CSMD1: variants seen among roughly 807,000 people sequenced by gnomAD.
The protein encoded by CSMD1 is CUB and Sushi multiple domains 1.
A neutral mutation model predicts 417.5 loss-of-function variants in CSMD1; 213 were observed. The ratio of observed to expected loss-of-function variants is 0.51; its 90% CI spans 0.46 to 0.57. The LOEUF (loss-of-function observed/expected upper bound fraction) is 0.57, where lower values mean the gene tolerates loss of function less well. Ranked by LOEUF, CSMD1 falls within the 20% of genes least tolerant of loss-of-function variation. The pLI, the probability that CSMD1 is intolerant of heterozygous loss-of-function variation, is 0.00. For missense variants in CSMD1, 6,923 were observed against 4,529.7 expected, an observed-to-expected ratio of 1.53 and a Z score of -15.17; for synonymous variants, 2,862 against 1,736.8, an observed-to-expected ratio of 1.65 and a Z score of -16.11.
At chr8:4,904,504 A>G (rs544256004) in intron 1 of CSMD1, among the ~76,000 whole-genome samples, 4 of 152,182 alleles carry the variant, frequency 2.6e-5, no homozygotes, top group Non-Finnish European at 5.9e-5. Flanking sequence ...CCTGACTCAG[A>G]GCCTACTACC....
chr8:4,787,741 C>A, intron 1 of CSMD1: 1 of 1,587,770 alleles, frequency 6.3e-7, no homozygotes, highest in Admixed American at 1.7e-5. Context: ...GTCTGAGGAA[C>A]AGCTGATTGC....
chr8:3,957,317 C>T (rs1267929778), intron 5 of CSMD1, among the ~76,000 whole-genome samples: 1 of 152,102 alleles, frequency 6.6e-6, no homozygotes, highest in Non-Finnish European at 1.5e-5. Context: ...TTAGTTGTTT[C>T]TTTCATTCAA....
At chr8:3,658,381 T>C (rs550403079) in intron 7 of CSMD1, among the ~76,000 whole-genome samples, 3 of 151,242 alleles carry the variant, frequency 2.0e-5, no homozygotes, top group Non-Finnish European at 4.4e-5. Flanking sequence ...TCTTTTTATT[T>C]GTAAATCATC....
chr8:3,820,379 C>G (rs780932060), intron 5 of CSMD1, among the ~76,000 whole-genome samples: 3 of 152,046 alleles, frequency 2.0e-5, no homozygotes, highest in Non-Finnish European at 4.4e-5. Flanking sequence ...GAACTGAGTA[C>G]CAAAGAAGGA....
At chr8:3,716,397 T>A (rs1362633962) in intron 6 of CSMD1, among the ~76,000 whole-genome samples, 1 of 152,220 alleles carries the variant, frequency 6.6e-6, no homozygotes, top group Non-Finnish European at 1.5e-5. Flanking sequence ...CCCATTTTTA[T>A]GGTTATTTCT....
chr8:3,353,922 C>G (rs1048548631), intron 21 of CSMD1, among the ~76,000 whole-genome samples: 2 of 152,130 alleles, frequency 1.3e-5, no homozygotes, highest in African/African-American at 2.4e-5. Context: ...GTCAATTCTT[C>G]TGTACAAAGG....
chr8:4,578,669 G>C (rs1287962120), intron 2 of CSMD1, among the ~76,000 whole-genome samples: 1 of 150,962 alleles, frequency 6.6e-6, no homozygotes, highest in Non-Finnish European at 1.5e-5. Context: ...ACAAAAATTA[G>C]CTGGACATGG....
intron 3 of CSMD1, among the ~76,000 whole-genome samples, chr8:4,079,773 C>A (rs1451078060): frequency 6.6e-6 from 1 of 151,958 alleles, no homozygotes; most frequent in East Asian, 1.9e-4. Flanking sequence ...AATTAATAAC[C>A]CATGTTCTCT....
chr8:3,167,300 A>G (rs1397559700), intron 37 of CSMD1, among the ~76,000 whole-genome samples: 4 of 151,788 alleles, frequency 2.6e-5, no homozygotes, highest in African/African-American at 7.3e-5. Context: ...AGAAAAAAAA[A>G]AAAAAAAAAG....
chr8:4,030,047 T>C (rs960216658), intron 4 of CSMD1, among the ~76,000 whole-genome samples: 7 of 152,180 alleles, frequency 4.6e-5, no homozygotes, highest in Non-Finnish European at 4.4e-5. Flanking sequence ...TGGGCAGGTG[T>C]ACCCCTGTGA....
intron 3 of CSMD1, among the ~76,000 whole-genome samples, chr8:4,090,489 A>T (rs1170458608): frequency 1.3e-5 from 2 of 152,202 alleles, no homozygotes; most frequent in Non-Finnish European, 1.5e-5. Context: ...AACAGCTAGA[A>T]ATAACTCCTA....
chr8:3,683,465 T>A lies in CSMD1; in HGVS notation c.1009+24949A>T, dbSNP rs549691618. On this transcript the variant is annotated intron_variant, in intron 7 of 69. Transcript: ENST00000635120. ...GGAATTCAGAATTAGAATCCTCCAT[T>A]TCTGGAGGGGTGTTCATAGGTACCT... Among the ~76,000 whole-genome samples the A allele has an allele frequency of 1.4e-3, 212 of 152,224 alleles. 1 individual carries two copies. The highest frequency in any genetic ancestry group is 3.9e-3 in the South Asian group (19 of 4,828).
At chr8:3,769,496 AAAAAAAT>A (rs1271342205) in intron 5 of CSMD1, among the ~76,000 whole-genome samples, 2 of 151,530 alleles carry the variant, frequency 1.3e-5, no homozygotes, top group Non-Finnish European at 3.0e-5. Flanking sequence ...AATAGAGGAT[AAAAAAAT>A]AAGAAAAAAT....
intron 41 of CSMD1, 52 bp downstream of exon 41, chr8:3,142,413 A>G: frequency 7.2e-7 from 1 of 1,391,032 alleles, no homozygotes. Context: ...TACAATTTAC[A>G]TGTAAGAAGT....
In CSMD1 at chr8:3,955,249, C is replaced by A. The variant is rs531498428; in HGVS notation, c.818+42654G>T. The stretch of plus-strand genomic sequence containing the variant: ...TGTGAGAGGCCCCCACAGATCCCAC[C>A]GGCAATGCCAACCAACATGCAAAAG... On this transcript the variant is annotated intron_variant, in intron 5 of 69. Transcript: ENST00000635120. Among the ~76,000 whole-genome samples, 9 of 152,262 alleles carry A rather than the reference C, an allele frequency of 5.9e-5. No individual in the cohort carries two copies. In the South Asian group the frequency reaches 1.9e-3, roughly 32 times the overall value.
At chr8:3,273,792 T>C (rs1305788773) in intron 26 of CSMD1, among the ~76,000 whole-genome samples, 1 of 151,966 alleles carries the variant, frequency 6.6e-6, no homozygotes, top group Non-Finnish European at 1.5e-5. Flanking sequence ...CCTTTATCAT[T>C]TTTATTGTAT....
chr8:4,300,843 G>C (rs980294797), intron 3 of CSMD1, among the ~76,000 whole-genome samples: 1 of 152,226 alleles, frequency 6.6e-6, no homozygotes, highest in South Asian at 2.1e-4. Flanking sequence ...TTTCATCCAT[G>C]TCCCTACAAA....
At chr8:4,899,817 C>G (rs1250551370) in intron 1 of CSMD1, among the ~76,000 whole-genome samples, 1 of 152,142 alleles carries the variant, frequency 6.6e-6, no homozygotes, top group Non-Finnish European at 1.5e-5. Context: ...GGGCCTCACA[C>G]AGTGTAACAA....
intron 10 of CSMD1, 82 bp from the exon 11 acceptor site, chr8:3,493,808 T>C (rs1276233497): frequency 2.5e-6 from 3 of 1,209,604 alleles, no homozygotes; most frequent in Non-Finnish European, 3.5e-6. Context: ...TATCTAGTTA[T>C]ACTGTTAAAT....
Sources: gnomAD v4.1 joint callset for allele counts (sites outside exome capture counted in the v4.1 genomes callset) on GRCh38, gnomAD v4.1.1 for gene constraint, MANE v1.5 for transcripts, NCBI Gene and HGNC (gene_info 2026-07-23, HGNC 2026-07-21) for gene names.